The following ANKS1B variants were observed in gnomAD, a reference collection of about 807,000 sequenced individuals.
ANKS1B encodes ankyrin repeat and sterile alpha motif domain containing 1B, also known as ankyrin repeat and sterile alpha motif domain-containing protein 1B.
Under a neutral mutation model 148.3 loss-of-function variants are expected in ANKS1B, and 36 were observed. The ratio of observed to expected loss-of-function variants is 0.24; its 90% CI spans 0.19 to 0.32. The LOEUF is 0.32. Ranked by LOEUF, ANKS1B falls within the 10% of genes least tolerant of loss-of-function variation. ANKS1B has a pLI of 1.00. For synonymous variants in ANKS1B, 542 were observed against 560.8 expected (o/e 0.97, Z 0.47); for missense variants, 1,157 against 1,542.6 (o/e 0.75, Z 4.19).
At chr12:99,536,502 G>A (rs1264612239) in intron 9 of ANKS1B, among the ~76,000 whole-genome samples, 1 of 151,960 alleles carries the variant, frequency 6.6e-6, no homozygotes, top group Non-Finnish European at 1.5e-5. Flanking sequence ...TATACCTTTT[G>A]TGTTCCAGTG....
chr12:99,078,544 T>G (rs909917048), intron 16 of ANKS1B, among the ~76,000 whole-genome samples: 2 of 152,164 alleles, frequency 1.3e-5, no homozygotes, highest in Non-Finnish European at 2.9e-5. Flanking sequence ...CTTTTTTGAG[T>G]GGCAGTAGCA....
chr12:98,945,803 AT>A (rs2099844566), intron 17 of ANKS1B, among the ~76,000 whole-genome samples: 1 of 152,226 alleles, frequency 6.6e-6, no homozygotes, highest in Non-Finnish European at 1.5e-5. Context: ...AGCAAGGCCA[AT>A]AAATCATAAA....
At chr12:98,947,969 A>T (rs2099847962) in intron 17 of ANKS1B, among the ~76,000 whole-genome samples, 2 of 152,198 alleles carry the variant, frequency 1.3e-5, no homozygotes, top group African/African-American at 4.8e-5. Flanking sequence ...GCTCTTCATC[A>T]GGAACAGAAT....
chr12:99,402,871 T>G lies in ANKS1B; in HGVS notation c.1576-3060A>C, dbSNP rs1237343997. Reference sequence around the variant, plus strand: ...TACTGGATCGAATGGTATTTCTGACTTTAAGTCTTTGAGGAATCACTGCAT... The same window carrying G: ...TACTGGATCGAATGGTATTTCTGACGTTAAGTCTTTGAGGAATCACTGCAT... On this transcript the variant is annotated intron_variant, in intron 11 of 26. Transcript: ENST00000683438. 4.1e-5 allele frequency among the ~76,000 whole-genome samples: 6 copies of G among 145,912 alleles called. 1 individual carries two copies. The highest frequency in any genetic ancestry group is 1.6e-4 in the African/African-American group (6 of 38,476).
chr12:99,718,165 G>C, intron 8 of ANKS1B, among the ~76,000 whole-genome samples: 1 of 152,054 alleles, frequency 6.6e-6, no homozygotes, highest in African/African-American at 2.4e-5. Context: ...TTCCCAAAGT[G>C]CTGGGATTAC....
intron 9 of ANKS1B, among the ~76,000 whole-genome samples, chr12:99,624,987 A>C (rs2098095975): frequency 6.6e-6 from 1 of 152,160 alleles, no homozygotes; most frequent in African/African-American, 2.4e-5. Flanking sequence ...GAAAACATGG[A>C]ATCAACCCAG....
intron 16 of ANKS1B, among the ~76,000 whole-genome samples, chr12:99,055,520 A>G (rs1308393572): frequency 6.6e-6 from 1 of 152,218 alleles, no homozygotes; most frequent in Non-Finnish European, 1.5e-5. Flanking sequence ...TGAGGAAGCA[A>G]TTAGTGGCCA....
intron 17 of ANKS1B, among the ~76,000 whole-genome samples, chr12:99,050,428 C>T (rs917271558): frequency 6.6e-6 from 1 of 152,114 alleles, no homozygotes; most frequent in East Asian, 1.9e-4. Context: ...CAAATCCTCA[C>T]CACCAAGAGT....
At chr12:99,638,920 T>C (rs1053157484) in intron 9 of ANKS1B, among the ~76,000 whole-genome samples, 12 of 152,156 alleles carry the variant, frequency 7.9e-5, no homozygotes, top group African/African-American at 2.9e-4. Context: ...CTTCAGAGGG[T>C]GCAAGCCCCA....
At chr12:98,737,096 C>T (rs2153348836) in intron 9 of ANKS1B, among the ~76,000 whole-genome samples, 1 of 152,298 alleles carries the variant, frequency 6.6e-6, no homozygotes, top group Non-Finnish European at 1.5e-5. Flanking sequence ...CACTAAGAGA[C>T]CGCTCAGGGG....
chr12:99,671,825 C>T lies in ANKS1B; in HGVS notation c.1129-16615G>A, dbSNP rs75686948. 6.7e-3 allele frequency among the ~76,000 whole-genome samples: 1,013 copies of T among 152,120 alleles called. 16 individuals carry two copies. Among genetic ancestry groups the T allele is most frequent in the African/African-American group, 0.024 (982 of 41,508 alleles). On this transcript the variant is annotated intron_variant, in intron 8 of 26. Transcript: ENST00000683438. Reference sequence around the variant, plus strand: ...TCCAGATATTGCCAAATTTAAAATGCTTCTTTTGTATGCTCAATAGCATTC... The same window carrying T: ...TCCAGATATTGCCAAATTTAAAATGTTTCTTTTGTATGCTCAATAGCATTC...
chr12:99,770,962 A>G (rs1343380466), intron 8 of ANKS1B, among the ~76,000 whole-genome samples: 1 of 152,096 alleles, frequency 6.6e-6, no homozygotes. Flanking sequence ...TTAACGCTCA[A>G]TTTATGAGCA....
At chr12:99,124,466 G>A (rs78666421) in intron 15 of ANKS1B, among the ~76,000 whole-genome samples, 3,161 of 150,732 alleles carry the variant, frequency 0.021, 97 homozygotes, top group African/African-American at 0.067. Context: ...AGTTGTGGAT[G>A]CCTTAATGTT....
At chr12:99,610,552 A>C (rs529170144) in intron 9 of ANKS1B, among the ~76,000 whole-genome samples, 1 of 152,162 alleles carries the variant, frequency 6.6e-6, no homozygotes, top group South Asian at 2.1e-4. Flanking sequence ...GTGAAGAGGA[A>C]TTCTAGTTTC....
At chr12:99,432,105 C>T (rs542724347) in intron 11 of ANKS1B, among the ~76,000 whole-genome samples, 1 of 152,338 alleles carries the variant, frequency 6.6e-6, no homozygotes, top group Non-Finnish European at 1.5e-5. Context: ...CTTTGACCTT[C>T]TGCCATGTTG....
intron 12 of ANKS1B, 23 bp downstream of exon 12, chr12:99,399,608 C>T (rs751931653): frequency 1.2e-6 from 2 of 1,603,972 alleles, no homozygotes; most frequent in Non-Finnish European, 1.7e-6. Context: ...AAAAATACAG[C>T]TGCATAAAGT....
intron 22 of ANKS1B, among the ~76,000 whole-genome samples, chr12:98,783,443 G>A: frequency 6.6e-6 from 1 of 152,218 alleles, no homozygotes; most frequent in Non-Finnish European, 1.5e-5. Context: ...GGTCTGATAG[G>A]AAGAACAGCT....
intron 14 of ANKS1B, among the ~76,000 whole-genome samples, chr12:99,188,828 C>A (rs2080246625): frequency 6.6e-6 from 1 of 151,984 alleles, no homozygotes; most frequent in African/African-American, 2.4e-5. Flanking sequence ...TAGCAGAGGA[C>A]AAGAAATAAC....
At chr12:99,278,661 T>G (rs1377521258) in intron 12 of ANKS1B, among the ~76,000 whole-genome samples, 3 of 152,196 alleles carry the variant, frequency 2.0e-5, no homozygotes, top group Non-Finnish European at 4.4e-5. Context: ...GGATACTGCA[T>G]GAAGGATTGT....
Sources: allele counts gnomAD v4.1 joint callset (sites outside exome capture counted in the v4.1 genomes callset), GRCh38; gene constraint gnomAD v4.1.1; transcripts MANE v1.5; gene names NCBI Gene and HGNC (gene_info 2026-07-23, HGNC 2026-07-21).